The following NALF1 variants were observed in gnomAD, a reference collection of about 807,000 sequenced individuals.
The protein encoded by NALF1 is NALCN channel auxiliary factor 1.
Under a neutral mutation model 48.4 loss-of-function variants are expected in NALF1, and 3 were observed. That is an observed-to-expected ratio of 0.06 (90% CI 0.03 to 0.16). The LOEUF (loss-of-function observed/expected upper bound fraction) is 0.16, where lower values mean the gene tolerates loss of function less well. Ranked by LOEUF, NALF1 falls within the 10% of genes least tolerant of loss-of-function variation. The pLI is 1.00. For missense variants in NALF1, 526 were observed against 571.5 expected, an observed-to-expected ratio of 0.92 and a Z score of 0.81; for synonymous variants, 262 against 245.7, an observed-to-expected ratio of 1.07 and a Z score of -0.62.
chr13:107,655,562 T>C (rs912282626), intron 1 of NALF1, among the ~76,000 whole-genome samples: 1 of 152,130 alleles, frequency 6.6e-6, no homozygotes, highest in Non-Finnish European at 1.5e-5. Flanking sequence ...TAGAAATTAA[T>C]ATTGTGAAAA....
At position 107,501,990 on chromosome 13, in the gene NALF1, T is replaced by C. The variant is rs554982249; in HGVS notation, c.916-291235A>G. Among the ~76,000 whole-genome samples the C allele has an allele frequency of 1.8e-4, 28 of 152,282 alleles. No individual in the cohort carries two copies. The East Asian group carries it at 4.6e-3, about 25-fold the overall frequency. On this transcript the variant is annotated intron_variant, in intron 1 of 2. Transcript: ENST00000375915. ...AACCTTTTGTCATTTGCAGATAATA[T>C]TTGACTGAGAACAACATGCAGATTG... is the stretch of plus-strand genomic sequence containing the variant.
rs75991084 is a variant in NALF1 at position 107,307,408 on chromosome 13, T to A, written c.916-96653A>T. On this transcript the variant is annotated intron_variant, in intron 1 of 2. Transcript: ENST00000375915. The stretch of plus-strand genomic sequence containing the variant: ...CATCCCTGAATTAGGCAGAAAAAAC[T>A]AACTTAATGGGAGGATCATATTTTC... 2.8e-4 allele frequency among the ~76,000 whole-genome samples: 42 copies of A among 152,258 alleles called. 1 individual carries two copies. In the East Asian group the frequency reaches 7.9e-3, roughly 29 times the overall value.
At chr13:107,578,238 C>T (rs1414525868) in intron 1 of NALF1, among the ~76,000 whole-genome samples, 1 of 151,632 alleles carries the variant, frequency 6.6e-6, no homozygotes, top group Admixed American at 6.6e-5. Flanking sequence ...AATCCATCAA[C>T]TTTTATTTTT....
chr13:107,634,117 C>T (rs957720582), intron 1 of NALF1, among the ~76,000 whole-genome samples: 2 of 151,736 alleles, frequency 1.3e-5, no homozygotes, highest in Non-Finnish European at 2.9e-5. Context: ...AGGCTGATAC[C>T]AGGTAGAGAA....
At chr13:107,640,093 CTTG>C (rs1343639739) in intron 1 of NALF1, among the ~76,000 whole-genome samples, 2 of 152,008 alleles carry the variant, frequency 1.3e-5, no homozygotes, top group African/African-American at 4.8e-5. Context: ...AACTTGCCTT[CTTG>C]TTTTTACAGC....
intron 1 of NALF1, among the ~76,000 whole-genome samples, chr13:107,292,995 T>TTTCTTTC (rs796522759): frequency 7.3e-6 from 1 of 137,530 alleles, no homozygotes. Flanking sequence ...TCTTTTTCTT[T>TTTCTTTC]TTTTTTTTTT....
intron 1 of NALF1, among the ~76,000 whole-genome samples, chr13:107,453,749 A>T (rs1447002256): frequency 6.6e-6 from 1 of 152,256 alleles, no homozygotes; most frequent in Non-Finnish European, 1.5e-5. Flanking sequence ...CTGCAAATTT[A>T]CCAAACTTTT....
intron 1 of NALF1, among the ~76,000 whole-genome samples, chr13:107,332,395 A>T (rs1882485047): frequency 5.3e-5 from 8 of 152,240 alleles, no homozygotes; most frequent in Admixed American, 3.9e-4. Context: ...CAGGAGTAGA[A>T]AAATACAACT....
At chr13:107,774,793 G>A (rs1295866210) in intron 1 of NALF1, among the ~76,000 whole-genome samples, 1 of 152,064 alleles carries the variant, frequency 6.6e-6, no homozygotes, top group African/African-American at 2.4e-5. Context: ...TGCTATGAAG[G>A]AGCTGAAACC....
At chr13:107,821,438 T>C (rs1389361173) in intron 1 of NALF1, among the ~76,000 whole-genome samples, 2 of 152,198 alleles carry the variant, frequency 1.3e-5, no homozygotes, top group Non-Finnish European at 2.9e-5. Context: ...TCTAAGGCCA[T>C]GTCGAGATTA....
intron 1 of NALF1, among the ~76,000 whole-genome samples, chr13:107,756,042 A>G (rs1877083253): frequency 1.3e-5 from 2 of 152,190 alleles, no homozygotes; most frequent in South Asian, 4.1e-4. Flanking sequence ...CTTGCTTCCT[A>G]GGTTACTAAA....
intron 1 of NALF1, among the ~76,000 whole-genome samples, chr13:107,280,322 A>C (rs1423186839): frequency 6.6e-6 from 1 of 152,152 alleles, no homozygotes; most frequent in Admixed American, 6.5e-5. Context: ...TCTCTTTTTA[A>C]AAACTCGAAT....
intron 1 of NALF1, among the ~76,000 whole-genome samples, chr13:107,673,380 T>C (rs1293558370): frequency 6.6e-6 from 1 of 152,182 alleles, no homozygotes; most frequent in African/African-American, 2.4e-5. Context: ...AGTTGCTGTC[T>C]TCTGGAAGGT....
At chr13:107,659,433 C>T (rs1880670650) in intron 1 of NALF1, among the ~76,000 whole-genome samples, 1 of 152,040 alleles carries the variant, frequency 6.6e-6, no homozygotes, top group Admixed American at 6.5e-5. Context: ...TAAAATCATC[C>T]TTGTAATCCC....
intron 1 of NALF1, among the ~76,000 whole-genome samples, chr13:107,421,221 A>C (rs926971797): frequency 1.3e-5 from 2 of 152,188 alleles, no homozygotes; most frequent in African/African-American, 4.8e-5. Flanking sequence ...GTCTTCGTAG[A>C]GCTCAGATGA....
At chr13:107,406,503 A>G (rs1004539208) in intron 1 of NALF1, among the ~76,000 whole-genome samples, 9 of 152,016 alleles carry the variant, frequency 5.9e-5, no homozygotes, top group Non-Finnish European at 1.3e-4. Context: ...TGATGCAATA[A>G]ATTAAAGATG....
At chr13:107,417,848 G>T (rs1193505717) in intron 1 of NALF1, among the ~76,000 whole-genome samples, 1 of 152,128 alleles carries the variant, frequency 6.6e-6, no homozygotes, top group African/African-American at 2.4e-5. Context: ...ATCACCTGAG[G>T]TCAGAAGTTC....
chr13:107,422,909 G>A (rs568307440), intron 1 of NALF1, among the ~76,000 whole-genome samples: 8 of 152,204 alleles, frequency 5.3e-5, no homozygotes, highest in East Asian at 1.9e-4. Context: ...GGAACAAGGC[G>A]GCCTCTAGAA....
chr13:107,795,155 T>C (rs1878381117), intron 1 of NALF1, among the ~76,000 whole-genome samples: 1 of 152,202 alleles, frequency 6.6e-6, no homozygotes, highest in African/African-American at 2.4e-5. Context: ...CTATTCAGAA[T>C]GCAAGCGTAA....
Sources: allele counts gnomAD v4.1 joint callset (sites outside exome capture counted in the v4.1 genomes callset), GRCh38; gene constraint gnomAD v4.1.1; transcripts MANE v1.5; gene names NCBI Gene and HGNC (gene_info 2026-07-23, HGNC 2026-07-21).